The following MARCHF8 variants were observed in gnomAD, a reference collection of about 807,000 sequenced individuals.
MARCHF8 encodes the protein membrane associated ring-CH-type finger 8, also known as E3 ubiquitin-protein ligase MARCHF8.
Under a neutral mutation model 51.6 loss-of-function variants are expected in MARCHF8, and 40 were observed. The ratio of observed to expected loss-of-function variants is 0.77; its 90% CI spans 0.60 to 1.01. The LOEUF is 1.01. MARCHF8 is among the 50% of genes least tolerant of loss of function. The pLI is 0.00. For missense variants in MARCHF8, 685 were observed against 708.6 expected (o/e 0.97, Z 0.38); for synonymous variants, 263 against 280.3 (o/e 0.94, Z 0.62).
At chr10:45,567,328 G>C (rs1589183976) in intron 1 of MARCHF8, among the ~76,000 whole-genome samples, 1 of 152,262 alleles carries the variant, frequency 6.6e-6, no homozygotes, top group East Asian at 1.9e-4. Flanking sequence ...TGTACTTGTG[G>C]GTTATTGCTC....
chr10:45,557,003 G>A (rs1327143273), intron 1 of MARCHF8, among the ~76,000 whole-genome samples: 2 of 151,448 alleles, frequency 1.3e-5, no homozygotes, highest in African/African-American at 2.4e-5. Context: ...ATCTGTAAGT[G>A]TACAGCATTC....
chr10:45,582,125 C>T (rs2044562623), intron 1 of MARCHF8, among the ~76,000 whole-genome samples: 1 of 152,190 alleles, frequency 6.6e-6, no homozygotes, highest in Non-Finnish European at 1.5e-5. Context: ...AGTACTATCC[C>T]TGGCTGGCTG....
chr10:45,594,436 A>T (rs2044714549), exon 1 of MARCHF8: 1 of 152,256 alleles, frequency 6.6e-6, no homozygotes, highest in Admixed American at 6.5e-5. Flanking sequence ...GCCGGCCTAG[A>T]GCCCTGGGCG....
chr10:45,463,789 T>C lies in MARCHF8; in HGVS notation c.450A>G (p.Arg150=), dbSNP rs1341074630. 3.2e-6 allele frequency: 5 copies of C among 1,550,764 alleles called. No individual in the cohort carries two copies. The Admixed American group carries it at 9.8e-5, about 30-fold the overall frequency. Residue 150 remains arginine (R), a synonymous_variant, in exon 5 of 8, where the codon AGA becomes AGG. Coordinates refer to ENST00000453424, the MANE Select transcript of MARCHF8 (RefSeq NM_001282866.2). ...TGAGGGACCTTGAGAACTTTAGTGT[T>C]CTTCTGGCTTTGGTATTCTTAGCAG... is the stretch of plus-strand genomic sequence containing the variant. The part of the protein sequence containing the change: ...LKPAKNTKAR[R]TLKFSRSLND...
chr10:45,577,996 T>C (rs1041479904), intron 1 of MARCHF8, among the ~76,000 whole-genome samples: 2 of 152,210 alleles, frequency 1.3e-5, no homozygotes, highest in African/African-American at 4.8e-5. Context: ...CATTCCAGCC[T>C]AGGAGACAGA....
intron 1 of MARCHF8, among the ~76,000 whole-genome samples, chr10:45,590,844 A>G (rs981905484): frequency 2.6e-5 from 4 of 152,250 alleles, no homozygotes; most frequent in African/African-American, 9.6e-5. Flanking sequence ...CCTGAGCCCA[A>G]GCTAAGCCAA....
chr10:45,548,790 T>A (rs2044158991), intron 1 of MARCHF8, among the ~76,000 whole-genome samples: 1 of 151,538 alleles, frequency 6.6e-6, no homozygotes, highest in Non-Finnish European at 1.5e-5. Context: ...AGGTCAGGAG[T>A]TCGTGACCAG....
intron 2 of MARCHF8, among the ~76,000 whole-genome samples, chr10:45,511,719 G>A (rs576399972): frequency 0.014 from 2,060 of 152,278 alleles, 40 homozygotes; most frequent in African/African-American, 0.046. Context: ...GCTCAATGGT[G>A]CCCAGGCTGG....
chr10:45,482,564 G>A (rs983452625), intron 3 of MARCHF8, among the ~76,000 whole-genome samples: 1 of 152,158 alleles, frequency 6.6e-6, no homozygotes, highest in African/African-American at 2.4e-5. Flanking sequence ...GACCAGCCTG[G>A]CCAACTTGGT....
intron 2 of MARCHF8, among the ~76,000 whole-genome samples, chr10:45,502,931 AAATAAT>A (rs145587600): frequency 2.0e-5 from 3 of 151,936 alleles, no homozygotes; most frequent in Non-Finnish European, 2.9e-5. Context: ...GGCTGAAAGC[AAATAAT>A]AATAATAATA....
chr10:45,585,974 T>G (rs896404383), intron 1 of MARCHF8, among the ~76,000 whole-genome samples: 8 of 152,134 alleles, frequency 5.3e-5, no homozygotes, highest in Non-Finnish European at 5.9e-5. Context: ...TTTAAATATT[T>G]TACATAAAAT....
chr10:45,477,200 A>C lies in MARCHF8; in HGVS notation c.153+12167T>G, dbSNP rs111265459. Among the ~76,000 whole-genome samples, 11 of 152,288 alleles carry C rather than the reference A, an allele frequency of 7.2e-5. 2 individuals carry two copies. The highest frequency in any genetic ancestry group is 2.2e-4 in the African/African-American group (9 of 41,568). On this transcript the variant is annotated intron_variant, in intron 3 of 7. Transcript: ENST00000453424. ...TGGGATGATATATTCAAAGTGCTAAAAGAAAAAAAAAAGGCCAGCCAAAGA... is the reference window on the plus strand; with the variant it reads ...TGGGATGATATATTCAAAGTGCTAACAGAAAAAAAAAAGGCCAGCCAAAGA...
At chr10:45,512,025 T>G (rs1261569628) in intron 2 of MARCHF8, among the ~76,000 whole-genome samples, 19 of 133,072 alleles carry the variant, frequency 1.4e-4, no homozygotes, top group African/African-American at 5.5e-4. Flanking sequence ...CCGGCCGTCA[T>G]CCCATCTAGG....
chr10:45,483,718 A>G (rs2042930266), intron 3 of MARCHF8, among the ~76,000 whole-genome samples: 1 of 152,244 alleles, frequency 6.6e-6, no homozygotes, highest in Non-Finnish European at 1.5e-5. Flanking sequence ...ATACACAATG[A>G]AATACTATTC....
intron 3 of MARCHF8, among the ~76,000 whole-genome samples, chr10:45,466,779 A>G (rs1288192765): frequency 2.0e-5 from 3 of 152,176 alleles, no homozygotes; most frequent in African/African-American, 2.4e-5. Flanking sequence ...ATGGGAAATT[A>G]AAGTTCTGAA....
intron 3 of MARCHF8, among the ~76,000 whole-genome samples, chr10:45,473,862 G>A (rs1315812953): frequency 6.6e-6 from 1 of 152,152 alleles, no homozygotes; most frequent in African/African-American, 2.4e-5. Context: ...TCCATCTAAA[G>A]TACTGGACTT....
intron 1 of MARCHF8, among the ~76,000 whole-genome samples, chr10:45,546,538 T>G (rs1046575913): frequency 6.6e-6 from 1 of 151,898 alleles, no homozygotes; most frequent in African/African-American, 2.4e-5. Flanking sequence ...TCCTGGCACT[T>G]TAGGAAGCCA....
intron 3 of MARCHF8, among the ~76,000 whole-genome samples, chr10:45,478,828 A>G (rs2042833363): frequency 6.6e-6 from 1 of 152,216 alleles, no homozygotes; most frequent in Admixed American, 6.5e-5. Flanking sequence ...GAAAACTTGG[A>G]CAGATCAATA....
At chr10:45,471,961 C>T (rs1007916913) in intron 3 of MARCHF8, among the ~76,000 whole-genome samples, 1 of 152,222 alleles carries the variant, frequency 6.6e-6, no homozygotes, top group Non-Finnish European at 1.5e-5. Flanking sequence ...CGTCCACCCA[C>T]CTGGGAAGAA....
Sources: gnomAD v4.1 joint callset for allele counts (sites outside exome capture counted in the v4.1 genomes callset) on GRCh38, gnomAD v4.1.1 for gene constraint, MANE v1.5 for transcripts, NCBI Gene and HGNC (gene_info 2026-07-23, HGNC 2026-07-21) for gene names.